Variants in ASTN1 observed in about 807,000 individuals in gnomAD.
ASTN1 encodes astrotactin 1, also known as astrotactin-1.
In ASTN1, 41 loss-of-function variants were observed where a neutral mutation model predicts 140.7. The observed-to-expected ratio is 0.29, with a 90% confidence interval of 0.23 to 0.38. The LOEUF (loss-of-function observed/expected upper bound fraction) is 0.38. ASTN1 is among the 10% of genes least tolerant of loss of function. The pLI, the probability that ASTN1 is intolerant of heterozygous loss-of-function variation, is 1.00. For missense variants in ASTN1, 1,479 were observed against 1,678.8 expected, an observed-to-expected ratio of 0.88 and a Z score of 2.08; for synonymous variants, 640 against 652.2, an observed-to-expected ratio of 0.98 and a Z score of 0.29.
intron 18 of ASTN1, among the ~76,000 whole-genome samples, 199 bp downstream of exon 18, chr1:176,887,872 C>T (rs10913270): frequency 0.019 from 2,961 of 152,234 alleles, 81 homozygotes; most frequent in African/African-American, 0.068. Context: ...TCTTTAAATG[C>T]CTCTTGTTAA....
chr1:177,101,540 T>TG (rs1174768857), intron 1 of ASTN1, among the ~76,000 whole-genome samples: 2 of 152,160 alleles, frequency 1.3e-5, no homozygotes, highest in Non-Finnish European at 2.9e-5. Context: ...CTGGTTTTCC[T>TG]GGGGGTGAGG....
chr1:177,094,836 A>G (rs1679949951), intron 1 of ASTN1, among the ~76,000 whole-genome samples: 1 of 152,232 alleles, frequency 6.6e-6, no homozygotes, highest in Admixed American at 6.5e-5. Flanking sequence ...AATTCTGATC[A>G]GGGCTCAGAA....
chr1:177,107,646 C>G (rs1680615394), intron 1 of ASTN1, among the ~76,000 whole-genome samples: 1 of 152,164 alleles, frequency 6.6e-6, no homozygotes, highest in African/African-American at 2.4e-5. Flanking sequence ...AGTTACAGCT[C>G]TCCCCCAGAC....
chr1:177,019,567 A>G (rs1195035526), intron 7 of ASTN1, among the ~76,000 whole-genome samples: 2 of 152,238 alleles, frequency 1.3e-5, no homozygotes, highest in South Asian at 2.1e-4. Context: ...CCAGCCTACC[A>G]TTTCTCAAGT....
rs140453977 is a variant in ASTN1, at chr1:177,029,703, T to A, written c.1051A>T (p.Thr351Ser). 9.3e-6 allele frequency: 15 copies of A among 1,613,442 alleles called. No individual in the cohort carries two copies. Among genetic ancestry groups the A allele is most frequent in the Non-Finnish European group, 1.1e-5 (13 of 1,179,778 alleles). The change falls in exon 5 of 23, where the codon ACA (threonine) becomes TCA (serine). Residue 351 changes from threonine (T) to serine (S), a missense_variant. Thr to Ser is a moderately conservative substitution (Grantham distance 58). Coordinates refer to ENST00000361833, the MANE Select transcript of ASTN1 (RefSeq NM_004319.3). ...AFLNPEGDSG[T>S]EAENDPQLTF... ...AGCTGGGGGTCGTTTTCTGCCTCTG[T>A]GCCAGAATCCCCTTCAGGGTTCAAG...
intron 8 of ASTN1, among the ~76,000 whole-genome samples, chr1:177,007,703 TCATTAGGGCA>T (rs1437511219): frequency 6.6e-6 from 1 of 152,138 alleles, no homozygotes; most frequent in Non-Finnish European, 1.5e-5. Context: ...CACGAGTCAC[TCATTAGGGCA>T]CATTTTGTTC....
chr1:177,049,044 C>G (rs1232522013), intron 2 of ASTN1, among the ~76,000 whole-genome samples: 3 of 152,196 alleles, frequency 2.0e-5, no homozygotes, highest in African/African-American at 7.2e-5. Flanking sequence ...TCACCTCATA[C>G]TCGTAAATGG....
At position 176,868,936 on chromosome 1, in the gene ASTN1, G is replaced by C. The variant is rs1668232177; in HGVS notation, c.3555C>G (p.Ser1185=). The C allele has an allele frequency of 6.2e-7, 1 of 1,612,514 alleles. No individual in the cohort carries two copies. Among genetic ancestry groups the C allele is most frequent in the African/African-American group, 1.3e-5 (1 of 74,882 alleles). ...TAYNTLLDLG[S]PTLHRVLYHY... is the part of the protein sequence containing the mutation. ...GGTAGAGGACCCGGTGTAAGGTGGG[G>C]GAACCCAGATCCAGGAGGGTGTTGT... The change falls in exon 22 of 23, where the codon TCC becomes TCG. Residue 1185 remains serine, a synonymous_variant. Coordinates refer to ENST00000361833, the MANE Select transcript of ASTN1 (RefSeq NM_004319.3).
At chr1:177,148,868 G>GGAGACTGA (rs1279882952) in intron 1 of ASTN1, among the ~76,000 whole-genome samples, 1 of 151,434 alleles carries the variant, frequency 6.6e-6, no homozygotes. Context: ...TTATGAATGG[G>GGAGACTGA]GAGACTGATA....
chr1:176,971,773 C>T (rs745668295), intron 8 of ASTN1, among the ~76,000 whole-genome samples: 31 of 152,096 alleles, frequency 2.0e-4, no homozygotes, highest in Non-Finnish European at 4.0e-4. Flanking sequence ...AGCAGGTGCT[C>T]AAGAAAGAGC....
chr1:176,950,575 ACTGGGCT>A (rs1672152538), intron 11 of ASTN1, among the ~76,000 whole-genome samples: 3 of 152,110 alleles, frequency 2.0e-5, no homozygotes, highest in Admixed American at 2.0e-4. Flanking sequence ...TTCTCACTGC[ACTGGGCT>A]CTGTTTCAAA....
intron 1 of ASTN1, among the ~76,000 whole-genome samples, chr1:177,149,194 T>C (rs1457790661): frequency 2.6e-5 from 3 of 116,150 alleles, no homozygotes; most frequent in Non-Finnish European, 4.9e-5. Flanking sequence ...ATATATATAG[T>C]AAATATATAT....
At chr1:177,005,888 C>T (rs1252498741) in intron 8 of ASTN1, among the ~76,000 whole-genome samples, 3 of 152,174 alleles carry the variant, frequency 2.0e-5, no homozygotes, top group Non-Finnish European at 4.4e-5. Flanking sequence ...GGATTACAAG[C>T]GTGAGCCACC....
rs563829213 is a variant in ASTN1, at chr1:176,894,444, C to T, written c.2940+118G>A. ...GTGCCCAGATTAGCTAAACAAAAAGCCTCACTATCCATATTCTAGCATGGC... is the reference window on the plus strand; with the variant it reads ...GTGCCCAGATTAGCTAAACAAAAAGTCTCACTATCCATATTCTAGCATGGC... On this transcript the variant is annotated intron_variant, in intron 17 of 22. Transcript: ENST00000361833. 168 of 1,339,510 alleles carry T rather than the reference C, an allele frequency of 1.3e-4. 2 individuals are homozygous for T. In the South Asian group the frequency reaches 2.3e-3, roughly 19 times the overall value. 83.0% of individuals were successfully genotyped at this position (1,339,510 alleles called of 1,614,324 possible).
intron 11 of ASTN1, among the ~76,000 whole-genome samples, chr1:176,955,188 T>G (rs780997717): frequency 1.1e-4 from 17 of 152,090 alleles, no homozygotes; most frequent in Non-Finnish European, 2.4e-4. Flanking sequence ...AAGGTAAACT[T>G]TACGTGGAGA....
chr1:177,043,899 G>A (rs1366072756), intron 2 of ASTN1, among the ~76,000 whole-genome samples: 5 of 152,110 alleles, frequency 3.3e-5, no homozygotes, highest in East Asian at 1.9e-4. Flanking sequence ...GCCCCACACC[G>A]AGTGCTGTGG....
At chr1:177,143,559 A>G (rs1303897001) in intron 1 of ASTN1, among the ~76,000 whole-genome samples, 1 of 152,232 alleles carries the variant, frequency 6.6e-6, no homozygotes, top group African/African-American at 2.4e-5. Flanking sequence ...TCACACATTT[A>G]TGTTGACAGA....
chr1:177,053,721 G>T (rs1677654597), intron 2 of ASTN1, among the ~76,000 whole-genome samples: 1 of 152,194 alleles, frequency 6.6e-6, no homozygotes, highest in African/African-American at 2.4e-5. Flanking sequence ...ATATGAAGAA[G>T]CTAAGTTCAT....
intron 8 of ASTN1, among the ~76,000 whole-genome samples, chr1:177,003,190 C>T (rs1674819671): frequency 6.6e-6 from 1 of 151,744 alleles, no homozygotes; most frequent in Non-Finnish European, 1.5e-5. Context: ...AACACACACA[C>T]ACAAAAACTG....
Sources: gnomAD v4.1 joint callset for allele counts (sites outside exome capture counted in the v4.1 genomes callset) on GRCh38, gnomAD v4.1.1 for gene constraint, MANE v1.5 for transcripts, NCBI Gene and HGNC (gene_info 2026-07-23, HGNC 2026-07-21) for gene names.